PCDH7: variants seen among roughly 807,000 people sequenced by gnomAD.
The protein encoded by PCDH7 is protocadherin 7, also known as protocadherin-7.
In PCDH7, 17 loss-of-function variants were observed where a neutral mutation model predicts 58.9. The ratio of observed to expected loss-of-function variants is 0.29; its 90% confidence interval spans 0.20 to 0.43. The LOEUF is 0.43. Among genes scored for constraint, PCDH7 ranks in the 20% least tolerant of loss-of-function variants. PCDH7 has a pLI of 1.00. For synonymous variants in PCDH7, 664 were observed against 616.4 expected, an observed-to-expected ratio of 1.08 and a Z score of -1.14; for missense variants, 1,274 against 1,441.0, an observed-to-expected ratio of 0.88 and a Z score of 1.88.
At chr4:31,127,997 A>T (rs1718499237) in intron 3 of PCDH7, among the ~76,000 whole-genome samples, 1 of 151,680 alleles carries the variant, frequency 6.6e-6, no homozygotes, top group African/African-American at 2.4e-5. Context: ...ATGTGTGTGC[A>T]TATATATGTG....
chr4:31,124,859 TC>T (rs1718110253), intron 3 of PCDH7, among the ~76,000 whole-genome samples: 1 of 152,200 alleles, frequency 6.6e-6, no homozygotes. Flanking sequence ...CAAATCATAC[TC>T]CTTTTTTCTG....
chr4:30,738,653 T>C (rs192847593), intron 1 of PCDH7, among the ~76,000 whole-genome samples: 247 of 152,328 alleles, frequency 1.6e-3, no homozygotes, highest in African/African-American at 5.5e-3. Flanking sequence ...AACATTTACA[T>C]GAAACAGTCT....
At chr4:31,104,373 C>G (rs560068128) in intron 3 of PCDH7, among the ~76,000 whole-genome samples, 1 of 152,092 alleles carries the variant, frequency 6.6e-6, no homozygotes. Flanking sequence ...AAGAAAAAAA[C>G]ATCTAGTTTT....
In PCDH7 at chr4:30,951,502, T is replaced by C. The variant is rs111284093; in HGVS notation, c.*7+1287T>C. Among the ~76,000 whole-genome samples the C allele has an allele frequency of 2.7e-3, 414 of 152,268 alleles. 1 individual carries two copies. Among genetic ancestry groups the C allele is most frequent in the African/African-American group, 9.2e-3 (384 of 41,562 alleles). ...CACACACTGCACTCTGTGCTCTGCA[T>C]CTTTCCCAGAGGGTGCAATCTTTCA... On this transcript the variant is annotated intron_variant, in intron 3 of 3. Coordinates refer to the PCDH7 transcript ENST00000509759.
intron 3 of PCDH7, among the ~76,000 whole-genome samples, chr4:31,140,093 T>A (rs1720064415): frequency 6.6e-6 from 1 of 152,186 alleles, no homozygotes; most frequent in South Asian, 2.1e-4. Context: ...TGATTGGAGA[T>A]TCAGTCAATC....
At chr4:30,766,400 T>A (rs1461781332) in intron 1 of PCDH7, among the ~76,000 whole-genome samples, 2 of 152,016 alleles carry the variant, frequency 1.3e-5, no homozygotes, top group African/African-American at 4.8e-5. Flanking sequence ...CAACCAAAAT[T>A]CAAATTTCTA....
chr4:31,041,873 T>C lies in PCDH7; in HGVS notation c.*7+91658T>C, dbSNP rs950300026. 3.3e-5 allele frequency among the ~76,000 whole-genome samples: 5 copies of C among 152,152 alleles called. 1 individual carries two copies. Among genetic ancestry groups the C allele is most frequent in the African/African-American group, 1.2e-4 (5 of 41,432 alleles). ...AGGAATAAATGTCATCCAAGGGGCA[T>C]AAAATAAACCAAGAATTTTAAAAAG... On this transcript the variant is annotated intron_variant, in intron 3 of 3. Coordinates refer to the PCDH7 transcript ENST00000509759.
At chr4:31,008,588 G>A (rs1319655483) in intron 3 of PCDH7, among the ~76,000 whole-genome samples, 1 of 151,350 alleles carries the variant, frequency 6.6e-6, no homozygotes, top group Non-Finnish European at 1.5e-5. Flanking sequence ...TATTTCTCTT[G>A]TTAATTTACA....
intron 1 of PCDH7, among the ~76,000 whole-genome samples, chr4:30,821,274 G>A (rs1029867918): frequency 7.9e-5 from 12 of 152,124 alleles, no homozygotes; most frequent in Admixed American, 7.9e-4. Flanking sequence ...ATCACCTAAA[G>A]TGTTGTTCTC....
Position 31,040,810 on chromosome 4 carries a change from G to T in PCDH7, c.*7+90595G>T, listed in dbSNP as rs566443249. ...AAATCCCCTCTGGCATATTTTGTTG[G>T]TTGAGAAACTAAAAATCAAATTAAG... On this transcript the variant is annotated intron_variant, in intron 3 of 3. Coordinates refer to the PCDH7 transcript ENST00000509759. 2.0e-5 allele frequency among the ~76,000 whole-genome samples: 3 copies of T among 152,132 alleles called. No homozygotes were observed. The South Asian group carries it at 6.2e-4, about 32-fold the overall frequency.
At chr4:30,876,628 G>A (rs1213378066) in intron 1 of PCDH7, among the ~76,000 whole-genome samples, 1 of 151,784 alleles carries the variant, frequency 6.6e-6, no homozygotes, top group Non-Finnish European at 1.5e-5. Flanking sequence ...TCAGGGAATG[G>A]GTATTTAATA....
intron 1 of PCDH7, among the ~76,000 whole-genome samples, chr4:30,870,131 G>A (rs1231199447): frequency 6.6e-6 from 1 of 151,078 alleles, no homozygotes; most frequent in East Asian, 1.9e-4. Context: ...TGAAGGGATT[G>A]TTTGTTTTTT....
intron 3 of PCDH7, among the ~76,000 whole-genome samples, chr4:31,027,406 G>A (rs1311390090): frequency 1.2e-4 from 18 of 151,890 alleles, no homozygotes; most frequent in Admixed American, 1.2e-3. Context: ...GTATGTGTAT[G>A]TATGTTATTA....
At chr4:30,917,186 C>G (rs1742588308) in intron 1 of PCDH7, among the ~76,000 whole-genome samples, 1 of 152,112 alleles carries the variant, frequency 6.6e-6, no homozygotes, top group African/African-American at 2.4e-5. Flanking sequence ...CTGCCTCTCT[C>G]TCTTGCTGTT....
At chr4:31,124,264 A>G (rs1718030493) in intron 3 of PCDH7, among the ~76,000 whole-genome samples, 1 of 152,170 alleles carries the variant, frequency 6.6e-6, no homozygotes, top group Admixed American at 6.5e-5. Context: ...CTATGTGTAT[A>G]CCATAATGCT....
chr4:30,731,037 C>T (rs1715417370), exon 2 of PCDH7: 1 of 1,199,332 alleles, frequency 8.3e-7, no homozygotes, highest in African/African-American at 1.6e-5. Flanking sequence ...CCAGAAATTC[C>T]ATTCTTAAAG....
At chr4:30,948,494 CT>C (rs1038172011) in intron 2 of PCDH7, among the ~76,000 whole-genome samples, 4 of 151,992 alleles carry the variant, frequency 2.6e-5, no homozygotes, top group African/African-American at 4.8e-5. Flanking sequence ...CTTTATTTTA[CT>C]GAAATGCAGA....
At position 30,948,896 on chromosome 4, in the gene PCDH7, C is replaced by T. The variant is rs376292813; in HGVS notation, c.288-1224C>T. 2.5e-4 allele frequency among the ~76,000 whole-genome samples: 38 copies of T among 152,204 alleles called. No individual in the cohort carries two copies. In the South Asian group the frequency reaches 7.9e-3, roughly 32 times the overall value. The stretch of plus-strand genomic sequence containing the variant: ...TTGAAAACTGGGAAATTTGGAGACA[C>T]CCTGTCTAAACAGGATTAAGGCTAA... On this transcript the variant is annotated intron_variant, in intron 2 of 3. Coordinates refer to the PCDH7 transcript ENST00000509759.
intron 3 of PCDH7, among the ~76,000 whole-genome samples, chr4:31,081,848 C>G (rs979436272): frequency 6.6e-6 from 1 of 151,496 alleles, no homozygotes; most frequent in Non-Finnish European, 1.5e-5. Flanking sequence ...TCTTGGCTCA[C>G]TGCAACCTCT....
Sources: gnomAD v4.1 joint callset for allele counts (sites outside exome capture counted in the v4.1 genomes callset) on GRCh38, gnomAD v4.1.1 for gene constraint, MANE v1.5 for transcripts, NCBI Gene and HGNC (gene_info 2026-07-23, HGNC 2026-07-21) for gene names.